Variants in EXOC6B observed in about 807,000 individuals in gnomAD.
EXOC6B encodes the protein exocyst complex component 6B.
A neutral mutation model predicts 113.5 loss-of-function variants in EXOC6B; 54 were observed. The observed-to-expected ratio is 0.48, with a 90% CI of 0.38 to 0.60. EXOC6B has a LOEUF of 0.60. Ranked by LOEUF, EXOC6B falls within the 20% of genes least tolerant of loss-of-function variation. EXOC6B has a pLI of 0.00. For synonymous variants in EXOC6B, 357 were observed against 339.0 expected, an observed-to-expected ratio of 1.05 and a Z score of -0.58; for missense variants, 797 against 977.5, an observed-to-expected ratio of 0.82 and a Z score of 2.46.
chr2:72,657,413 G>A (rs959978562), intron 6 of EXOC6B, among the ~76,000 whole-genome samples: 1 of 150,638 alleles, frequency 6.6e-6, no homozygotes, highest in Admixed American at 6.6e-5. Context: ...TTTTTTTTAA[G>A]TAGAGATGAG....
At chr2:72,760,192 G>A (rs907635920) in intron 1 of EXOC6B, among the ~76,000 whole-genome samples, 1 of 152,112 alleles carries the variant, frequency 6.6e-6, no homozygotes, top group Non-Finnish European at 1.5e-5. Flanking sequence ...ATAGTTCCAA[G>A]GTCACAGATG....
intron 20 of EXOC6B, among the ~76,000 whole-genome samples, chr2:72,317,271 CA>C (rs1298058085): frequency 6.6e-6 from 1 of 151,824 alleles, no homozygotes; most frequent in Non-Finnish European, 1.5e-5. Context: ...TCATACTTTG[CA>C]GAAATAACCA....
intron 20 of EXOC6B, among the ~76,000 whole-genome samples, chr2:72,312,649 G>A (rs1288036018): frequency 6.6e-5 from 10 of 151,494 alleles, no homozygotes; most frequent in Admixed American, 4.6e-4. Flanking sequence ...CCAGCTACTC[G>A]GAGGCTGAGG....
At chr2:72,633,292 C>A (rs751431575) in intron 6 of EXOC6B, among the ~76,000 whole-genome samples, 13 of 152,198 alleles carry the variant, frequency 8.5e-5, no homozygotes, top group African/African-American at 1.4e-4. Context: ...TAGGCAGGAT[C>A]ATACACTGTA....
At chr2:72,671,514 G>A (rs372315446) in intron 6 of EXOC6B, among the ~76,000 whole-genome samples, 1 of 151,952 alleles carries the variant, frequency 6.6e-6, no homozygotes. Flanking sequence ...TGCCAACATG[G>A]TGAAACCCCG....
chr2:72,685,246 A>T (rs1288675407), intron 6 of EXOC6B, among the ~76,000 whole-genome samples: 2 of 152,176 alleles, frequency 1.3e-5, no homozygotes, highest in Non-Finnish European at 2.9e-5. Flanking sequence ...TCAAAATGAA[A>T]TGTTAAGAAA....
At chr2:72,391,209 T>C (rs907119945) in intron 18 of EXOC6B, among the ~76,000 whole-genome samples, 2 of 152,240 alleles carry the variant, frequency 1.3e-5, no homozygotes, top group African/African-American at 4.8e-5. Context: ...ATTTATTTTG[T>C]ACAGTATTCT....
chr2:72,384,276 A>T (rs1173382009), intron 18 of EXOC6B, among the ~76,000 whole-genome samples: 2 of 152,140 alleles, frequency 1.3e-5, no homozygotes, highest in Non-Finnish European at 2.9e-5. Flanking sequence ...TGATCATCTC[A>T]ATAGATGCAG....
intron 20 of EXOC6B, among the ~76,000 whole-genome samples, chr2:72,295,427 T>A (rs751350536): frequency 1.3e-5 from 2 of 152,194 alleles, no homozygotes; most frequent in Non-Finnish European, 2.9e-5. Context: ...CTTTCTTGCA[T>A]GTAATGCTGT....
intron 2 of EXOC6B, among the ~76,000 whole-genome samples, chr2:72,739,841 T>C (rs917414600): frequency 1.3e-4 from 20 of 152,168 alleles, no homozygotes; most frequent in Admixed American, 1.2e-3. Context: ...GATGGCAATA[T>C]AATTTCTTAA....
intron 20 of EXOC6B, among the ~76,000 whole-genome samples, chr2:72,194,139 GA>G (rs1679014522): frequency 6.6e-6 from 1 of 152,018 alleles, no homozygotes. Context: ...AGTAAAGAAA[GA>G]AGAAAAAAAT....
At chr2:72,460,013 G>A (rs1025671321) in intron 18 of EXOC6B, among the ~76,000 whole-genome samples, 3 of 152,050 alleles carry the variant, frequency 2.0e-5, no homozygotes, top group Non-Finnish European at 4.4e-5. Flanking sequence ...CAGAGATATA[G>A]ATCAATGGAA....
intron 19 of EXOC6B, among the ~76,000 whole-genome samples, chr2:72,342,676 G>A (rs1689099931): frequency 6.6e-6 from 1 of 152,114 alleles, no homozygotes. Flanking sequence ...GCTTCTGTCT[G>A]TCATCAAAGC....
chr2:72,204,699 G>A (rs959456772), intron 20 of EXOC6B, among the ~76,000 whole-genome samples: 6 of 152,128 alleles, frequency 3.9e-5, no homozygotes, highest in African/African-American at 7.2e-5. Flanking sequence ...CCCCAGTCAC[G>A]TAGCTGTGAT....
At chr2:72,241,295 A>G (rs1467361151) in intron 20 of EXOC6B, among the ~76,000 whole-genome samples, 1 of 152,248 alleles carries the variant, frequency 6.6e-6, no homozygotes, top group Non-Finnish European at 1.5e-5. Flanking sequence ...CTGAGCTTGA[A>G]CAAATGTCAA....
chr2:72,562,670 G>A (rs547773399), intron 7 of EXOC6B, among the ~76,000 whole-genome samples: 2 of 152,122 alleles, frequency 1.3e-5, no homozygotes, highest in Admixed American at 1.3e-4. Context: ...AATCATTATC[G>A]ACTGCAACTA....
intron 1 of EXOC6B, among the ~76,000 whole-genome samples, chr2:72,753,447 T>C (rs1682191470): frequency 6.6e-6 from 1 of 152,022 alleles, no homozygotes; most frequent in Admixed American, 6.6e-5. Context: ...TAATGGCTCT[T>C]CTATGCTCTT....
At chr2:72,331,846 T>G (rs1688431688) in intron 20 of EXOC6B, among the ~76,000 whole-genome samples, 1 of 152,112 alleles carries the variant, frequency 6.6e-6, no homozygotes, top group African/African-American at 2.4e-5. Flanking sequence ...AGTAGAAAAG[T>G]GAGAATAGGA....
rs757745144 is a variant in EXOC6B, at chr2:72,733,055, G to T, written c.327+16C>A. The T allele has an allele frequency of 6.4e-7, 1 of 1,562,340 alleles. No homozygotes were observed. ...TGAAACAGAAAAGATTTCTTCAAAA[G>T]GTAAACTGGTCTTACTTCCTTTCCC... On this transcript the variant is annotated intron_variant, in intron 3 of 21. Coordinates refer to ENST00000272427, the MANE Select transcript of EXOC6B (RefSeq NM_015189.3).
Sources: allele counts gnomAD v4.1 joint callset (sites outside exome capture counted in the v4.1 genomes callset), GRCh38; gene constraint gnomAD v4.1.1; transcripts MANE v1.5; gene names NCBI Gene and HGNC (gene_info 2026-07-23, HGNC 2026-07-21).